Variants in TBXAS1 observed in about 807,000 individuals in gnomAD.
TBXAS1 encodes the protein thromboxane A synthase 1, also known as thromboxane-A synthase.
Under a neutral mutation model 60.7 loss-of-function variants are expected in TBXAS1, and 48 were observed. That is an observed-to-expected ratio of 0.79 (90% CI 0.63 to 1.01). TBXAS1 has a LOEUF of 1.01. Ranked by LOEUF, TBXAS1 falls within the 50% of genes least tolerant of loss-of-function variation. The pLI, the probability that TBXAS1 is intolerant of heterozygous loss-of-function variation, is 0.00. For synonymous variants in TBXAS1, 287 were observed against 269.7 expected (o/e 1.06, Z -0.63); for missense variants, 685 against 686.3 (o/e 1.00, Z 0.02).
intron 5 of TBXAS1, among the ~76,000 whole-genome samples, chr7:139,945,586 G>A (rs554528973): frequency 2.6e-5 from 4 of 152,288 alleles, no homozygotes; most frequent in Admixed American, 6.5e-5. Flanking sequence ...GCTCATTCTT[G>A]ATATAACAAA....
rs571810390 is a variant in TBXAS1 at position 140,014,214 on chromosome 7, C to T, written c.1227-1509C>T. On this transcript the variant is annotated intron_variant, in intron 10 of 12. Coordinates refer to ENST00000448866, the MANE Select transcript of TBXAS1 (RefSeq NM_001061.7). ...TGGAGAGATGGCACCATACGAAAGA[C>T]CAGTGATGAATCTGCAGACGGGGAG... Among the ~76,000 whole-genome samples the T allele has an allele frequency of 7.9e-5, 12 of 152,300 alleles. No individual in the cohort carries two copies. In the South Asian group the frequency reaches 2.5e-3, roughly 32 times the overall value.
chr7:139,891,359 T>C (rs117632401), intron 3 of TBXAS1, among the ~76,000 whole-genome samples: 1 of 151,936 alleles, frequency 6.6e-6, no homozygotes, highest in Non-Finnish European at 1.5e-5. Flanking sequence ...TCCAATATAG[T>C]ATCTCCCATG....
At chr7:139,989,733 A>G (rs1184816830) in intron 9 of TBXAS1, among the ~76,000 whole-genome samples, 2 of 152,144 alleles carry the variant, frequency 1.3e-5, no homozygotes, top group South Asian at 4.1e-4. Flanking sequence ...CTCTGGCCCC[A>G]TGCGGGCCCA....
At chr7:139,956,142 T>TTTA (rs924664434) in intron 7 of TBXAS1, among the ~76,000 whole-genome samples, 2 of 151,944 alleles carry the variant, frequency 1.3e-5, no homozygotes, top group African/African-American at 2.4e-5. Context: ...TTTTATTTTA[T>TTTA]TTATTATTAT....
chr7:139,892,385 G>A (rs1475998677), intron 3 of TBXAS1, among the ~76,000 whole-genome samples: 3 of 152,142 alleles, frequency 2.0e-5, no homozygotes, highest in Non-Finnish European at 2.9e-5. Flanking sequence ...GAGGTCAGGA[G>A]TTCGAGACCA....
intron 9 of TBXAS1, among the ~76,000 whole-genome samples, chr7:139,972,227 C>A (rs1811256531): frequency 6.6e-6 from 1 of 152,244 alleles, no homozygotes; most frequent in Admixed American, 6.5e-5. Context: ...TCACACCAAT[C>A]AGCATGTATG....
intron 9 of TBXAS1, among the ~76,000 whole-genome samples, chr7:139,973,268 T>C (rs916596502): frequency 6.6e-6 from 1 of 152,186 alleles, no homozygotes; most frequent in African/African-American, 2.4e-5. Context: ...CTATGTCCCC[T>C]ACCGCTGCTA....
chr7:139,808,204 G>C lies in TBXAS1; in HGVS notation c.-80+20778G>C, dbSNP rs999818056. Among the ~76,000 whole-genome samples, 3 of 151,858 alleles carry C rather than the reference G, an allele frequency of 2.0e-5. 1 individual carries two copies. The highest frequency in any genetic ancestry group is 6.3e-3 in the Middle Eastern group (2 of 316). On this transcript the variant is annotated intron_variant, in intron 4 of 16. Coordinates refer to the TBXAS1 transcript ENST00000336425. ...AATGCAAAAATTAGCCAGATGTGGT[G>C]GTGCATGCCTGTAGTCCCAGATACT...
chr7:139,928,384 C>T (rs1398397439), intron 4 of TBXAS1, among the ~76,000 whole-genome samples: 4 of 152,134 alleles, frequency 2.6e-5, no homozygotes, highest in African/African-American at 7.2e-5. Flanking sequence ...ATTTTGTTTA[C>T]GACTTTTGTG....
chr7:139,925,613 T>A (rs888231562), intron 4 of TBXAS1, among the ~76,000 whole-genome samples: 3 of 152,242 alleles, frequency 2.0e-5, no homozygotes, highest in Non-Finnish European at 4.4e-5. Context: ...GACTTCTTCC[T>A]TTCTAATTTG....
At chr7:140,006,927 C>T (rs923637958) in intron 9 of TBXAS1, among the ~76,000 whole-genome samples, 164 bp from the exon 10 acceptor site, 7 of 152,166 alleles carry the variant, frequency 4.6e-5, no homozygotes, top group Non-Finnish European at 7.3e-5. Flanking sequence ...AACCACTGAG[C>T]GCCAATCAGA....
intron 4 of TBXAS1, among the ~76,000 whole-genome samples, chr7:139,928,399 T>G (rs1350957851): frequency 6.6e-6 from 1 of 152,246 alleles, no homozygotes; most frequent in African/African-American, 2.4e-5. Flanking sequence ...TTTGTGTCTA[T>G]GTTCACGAGT....
chr7:139,818,797 C>T (rs1409968780), intron 4 of TBXAS1, among the ~76,000 whole-genome samples: 1 of 152,226 alleles, frequency 6.6e-6, no homozygotes, highest in Non-Finnish European at 1.5e-5. Flanking sequence ...GAATACCACA[C>T]ATAGACGGCT....
rs529472570 is a variant in TBXAS1 at position 139,921,752 on chromosome 7, C to A, written c.333+10431C>A. On this transcript the variant is annotated intron_variant, in intron 4 of 12. Coordinates refer to ENST00000448866, the MANE Select transcript of TBXAS1 (RefSeq NM_001061.7). ...AGCATTCCAATGTATAGAAACACCA[C>A]AATCTATTCCTCTGTCAATAAACAT... Among the ~76,000 whole-genome samples, 9 of 152,326 alleles carry A rather than the reference C, an allele frequency of 5.9e-5. No homozygotes were observed. The South Asian group carries it at 1.0e-3, about 18-fold the overall frequency.
intron 4 of TBXAS1, among the ~76,000 whole-genome samples, chr7:139,795,707 G>A (rs1286531126): frequency 6.6e-6 from 1 of 151,798 alleles, no homozygotes; most frequent in Admixed American, 6.6e-5. Context: ...GTGTAAGGAA[G>A]GGATCCAGTT....
chr7:139,784,127 TCCTGCCTG>T (rs58521433), intron 3 of TBXAS1, among the ~76,000 whole-genome samples: 7 of 149,810 alleles, frequency 4.7e-5, no homozygotes, highest in African/African-American at 1.8e-4. Context: ...CTTCCTGCCT[TCCTGCCTG>T]CCTGCCTGCC....
At chr7:139,877,625 G>A (rs1802344341) in intron 3 of TBXAS1, among the ~76,000 whole-genome samples, 2 of 151,512 alleles carry the variant, frequency 1.3e-5, no homozygotes, top group East Asian at 3.9e-4. Flanking sequence ...ATTTTGCCAT[G>A]TTAGCCAGGC....
intron 3 of TBXAS1, among the ~76,000 whole-genome samples, chr7:139,892,599 AAAAC>A (rs2116938885): frequency 6.6e-6 from 1 of 152,270 alleles, no homozygotes; most frequent in Admixed American, 6.5e-5. Context: ...TCTCAGAAAC[AAAAC>A]AAACAACAAC....
Position 139,818,042 on chromosome 7 carries a change from G to A in TBXAS1, c.-79-11270G>A, listed in dbSNP as rs951704270. 3.9e-5 allele frequency among the ~76,000 whole-genome samples: 6 copies of A among 152,162 alleles called. No individual in the cohort carries two copies. In the East Asian group the frequency reaches 1.2e-3, roughly 29 times the overall value. On this transcript the variant is annotated intron_variant, in intron 4 of 16. Coordinates refer to the TBXAS1 transcript ENST00000336425. ...CAAGCAGGCATTCTCCCAGTCACTG[G>A]GGATACATTGTTGAACCAGATATAA...
Sources: gnomAD v4.1 joint callset for allele counts (sites outside exome capture counted in the v4.1 genomes callset) on GRCh38, gnomAD v4.1.1 for gene constraint, MANE v1.5 for transcripts, NCBI Gene and HGNC (gene_info 2026-07-23, HGNC 2026-07-21) for gene names.